RAB30: variants seen among roughly 807,000 people sequenced by gnomAD.
RAB30 encodes ras-related protein Rab-30.
RAB30 carries 9 observed loss-of-function variants against 25.1 expected under a neutral mutation model. That is an observed-to-expected ratio of 0.36 (90% CI 0.22 to 0.63). RAB30 has a LOEUF of 0.63. RAB30 is among the 20% of genes least tolerant of loss of function. The pLI, the probability that RAB30 is intolerant of heterozygous loss-of-function variation, is 0.69. For missense variants in RAB30, 140 were observed against 243.5 expected (o/e 0.58, Z 2.83); for synonymous variants, 77 against 86.4 (o/e 0.89, Z 0.60).
chr11:83,071,092 T>C (rs1281366403), intron 1 of RAB30, among the ~76,000 whole-genome samples: 9 of 152,220 alleles, frequency 5.9e-5, no homozygotes, highest in Admixed American at 1.3e-4. Context: ...ACGTGAAATG[T>C]TTCTGACTGG....
At chr11:82,998,894 CTGG>C (rs996258041) in intron 1 of RAB30, among the ~76,000 whole-genome samples, 2 of 152,104 alleles carry the variant, frequency 1.3e-5, no homozygotes, top group Admixed American at 1.3e-4. Flanking sequence ...ACCAGCAGAC[CTGG>C]AGCTCAAATG....
intron 1 of RAB30, among the ~76,000 whole-genome samples, chr11:83,032,974 G>A (rs931473040): frequency 1.3e-5 from 2 of 151,168 alleles, no homozygotes; most frequent in South Asian, 4.2e-4. Context: ...TCTCACTGGG[G>A]AACATAATAA....
rs1856763385 is a variant in RAB30 at position 82,987,668 on chromosome 11, C to G, written c.280G>C (p.Glu94Gln). ...TCAGGAAGGCAACGGAAGGATTCCT[C>G]ACAGGTAATGTCATAGGTGAGGATC... is the stretch of plus-strand genomic sequence containing the variant. ...ALILTYDITC[E>Q]ESFRCLPEWL... Residue 94 changes from glutamate to glutamine, a missense_variant, in exon 4 of 5, where the codon GAG becomes CAG. Coordinates refer to ENST00000527633, the MANE Select transcript of RAB30 (RefSeq NM_001286060.2). 1 of 1,613,726 alleles carries G rather than the reference C, an allele frequency of 6.2e-7. No homozygotes were observed. The highest frequency in any genetic ancestry group is 8.5e-7 in the Non-Finnish European group (1 of 1,179,866).
At chr11:83,000,601 T>C (rs896595236) in intron 1 of RAB30, among the ~76,000 whole-genome samples, 8 of 152,156 alleles carry the variant, frequency 5.3e-5, no homozygotes, top group African/African-American at 9.7e-5. Context: ...TGTGCCTAGA[T>C]TGTTTGACAC....
intron 1 of RAB30, among the ~76,000 whole-genome samples, chr11:83,065,817 T>TTA (rs1858683466): frequency 6.6e-6 from 1 of 152,106 alleles, no homozygotes; most frequent in African/African-American, 2.4e-5. Context: ...CATGTGAACC[T>TTA]CCCAACAACC....
chr11:83,042,869 C>T lies in RAB30; in HGVS notation c.-9+28822G>A, dbSNP rs922358362. ...CATAAAACACAAATAAGCAGGGAGACTCCTATAGATTTAGAGACTAAAGAG... is the reference window on the plus strand; with the variant it reads ...CATAAAACACAAATAAGCAGGGAGATTCCTATAGATTTAGAGACTAAAGAG... On this transcript the variant is annotated intron_variant, in intron 1 of 4. Coordinates refer to ENST00000527633, the MANE Select transcript of RAB30 (RefSeq NM_001286060.2). Among the ~76,000 whole-genome samples, 3 of 152,156 alleles carry T rather than the reference C, an allele frequency of 2.0e-5. No homozygotes were observed. The South Asian group carries it at 6.2e-4, about 31-fold the overall frequency.
At chr11:83,018,796 G>T (rs1857498606) in intron 1 of RAB30, among the ~76,000 whole-genome samples, 1 of 152,154 alleles carries the variant, frequency 6.6e-6, no homozygotes, top group African/African-American at 2.4e-5. Context: ...TTTTACTGAT[G>T]ATATTGTCTA....
chr11:82,994,749 T>A (rs1233152718), intron 2 of RAB30, among the ~76,000 whole-genome samples: 2 of 152,174 alleles, frequency 1.3e-5, no homozygotes, highest in African/African-American at 4.8e-5. Context: ...CAATGTACCA[T>A]GCATGTGTAA....
chr11:82,990,574 A>G (rs943503733), intron 3 of RAB30, among the ~76,000 whole-genome samples: 3 of 152,218 alleles, frequency 2.0e-5, no homozygotes, highest in African/African-American at 7.2e-5. Context: ...AAACAAATAC[A>G]TATAAATACT....
At chr11:83,004,721 G>A (rs1857151105) in intron 1 of RAB30, among the ~76,000 whole-genome samples, 1 of 151,886 alleles carries the variant, frequency 6.6e-6, no homozygotes, top group Non-Finnish European at 1.5e-5. Context: ...TGTGTGTCAG[G>A]CCCATGGAAG....
At chr11:82,998,251 T>C (rs1857001102) in intron 1 of RAB30, among the ~76,000 whole-genome samples, 1 of 152,170 alleles carries the variant, frequency 6.6e-6, no homozygotes, top group African/African-American at 2.4e-5. Context: ...AATTAATTAA[T>C]GGGCATGTTG....
chr11:83,013,696 A>G (rs192457372), intron 1 of RAB30, among the ~76,000 whole-genome samples: 169 of 152,334 alleles, frequency 1.1e-3, no homozygotes, highest in African/African-American at 3.9e-3. Context: ...CCTTGCTACA[A>G]TGCAGTGTCT....
rs1856654682 is a variant in RAB30 at position 82,982,309 on chromosome 11, A to G, written c.468T>C (p.Ser156=). The part of the protein sequence containing the change: ...MYYLETSAKE[S]DNVEKLFLDL... ...CAAGGAAGAGTTTCTCCACATTATC[A>G]GATTCCTTGGCTGAGGTCTCCAGAT... Residue 156 remains serine (S), a synonymous_variant, in exon 5 of 5, where the codon TCT becomes TCC. Transcript: ENST00000527633. 1.9e-6 allele frequency: 3 copies of G among 1,614,226 alleles called. No homozygotes were observed. The highest frequency in any genetic ancestry group is 1.6e-4 in the Middle Eastern group (1 of 6,062).
At chr11:83,037,729 G>GA (rs1023728110) in intron 1 of RAB30, among the ~76,000 whole-genome samples, 26 of 150,566 alleles carry the variant, frequency 1.7e-4, no homozygotes, top group African/African-American at 5.8e-4. Flanking sequence ...ACACTAAGAA[G>GA]AAAAAAAAAG....
chr11:83,032,987 T>C (rs564549192), intron 1 of RAB30, among the ~76,000 whole-genome samples: 2 of 151,824 alleles, frequency 1.3e-5, no homozygotes, highest in African/African-American at 2.4e-5. Flanking sequence ...CATAATAATA[T>C]GGTTTTGATG....
intron 1 of RAB30, among the ~76,000 whole-genome samples, chr11:83,045,062 C>T (rs1858205848): frequency 6.6e-6 from 1 of 152,210 alleles, no homozygotes; most frequent in Non-Finnish European, 1.5e-5. Flanking sequence ...TAGCCGAAAT[C>T]TGCACATTAG....
chr11:82,992,736 A>AACACACACACACACACACAC (rs113845129), intron 3 of RAB30, among the ~76,000 whole-genome samples: 2 of 131,220 alleles, frequency 1.5e-5, no homozygotes, highest in African/African-American at 5.8e-5. Flanking sequence ...CTCTGTCACC[A>AACACACACACACACACACAC]ACACACACAC....
At chr11:82,997,166 C>T (rs750712151) in intron 2 of RAB30, 58 bp downstream of exon 2, 1 of 1,432,362 alleles carries the variant, frequency 7.0e-7, no homozygotes, top group Non-Finnish European at 9.8e-7. Flanking sequence ...CCCAACCCCT[C>T]AGGCTAGACT....
intron 2 of RAB30, among the ~76,000 whole-genome samples, chr11:82,994,686 C>T (rs1169501236): frequency 1.3e-5 from 2 of 152,180 alleles, no homozygotes; most frequent in South Asian, 4.1e-4. Flanking sequence ...TTTGGATCTC[C>T]TGAAGCTTCT....
Sources: allele counts gnomAD v4.1 joint callset (sites outside exome capture counted in the v4.1 genomes callset), GRCh38; gene constraint gnomAD v4.1.1; transcripts MANE v1.5; gene names NCBI Gene and HGNC (gene_info 2026-07-23, HGNC 2026-07-21).